NTM: variants seen among roughly 807,000 people sequenced by gnomAD.
NTM encodes the protein neurotrimin.
Under a neutral mutation model 42.1 loss-of-function variants are expected in NTM, and 13 were observed. The observed-to-expected ratio is 0.31, with a 90% CI of 0.20 to 0.49. The LOEUF (loss-of-function observed/expected upper bound fraction) is 0.49, where lower values mean the gene tolerates loss of function less well. NTM is among the 20% of genes least tolerant of loss of function. The probability of loss-of-function intolerance (pLI) is 0.99; values close to 1 mark genes in which losing one functional copy is unlikely to be tolerated. For missense variants in NTM, 373 were observed against 452.8 expected (o/e 0.82, Z 1.60); for synonymous variants, 187 against 179.2 (o/e 1.04, Z -0.35).
chr11:131,569,574 C>CTTTT (rs371565373), intron 1 of NTM, among the ~76,000 whole-genome samples: 77 of 130,868 alleles, frequency 5.9e-4, no homozygotes, highest in African/African-American at 1.4e-3. Context: ...TTTCTTCTCT[C>CTTTT]TTTTTTTTTT....
chr11:131,891,013 TA>T (rs1290499797), intron 1 of NTM, among the ~76,000 whole-genome samples: 2 of 152,214 alleles, frequency 1.3e-5, no homozygotes, highest in Non-Finnish European at 2.9e-5. Context: ...CGAATTTGTT[TA>T]GACTATGTCA....
chr11:132,151,791 A>G (rs979407266), intron 3 of NTM, among the ~76,000 whole-genome samples: 1 of 152,232 alleles, frequency 6.6e-6, no homozygotes, highest in Non-Finnish European at 1.5e-5. Flanking sequence ...GGAATGAGGG[A>G]AAGAAGCCAG....
chr11:131,938,293 T>A (rs2059439845), intron 2 of NTM, among the ~76,000 whole-genome samples: 1 of 152,216 alleles, frequency 6.6e-6, no homozygotes, highest in Non-Finnish European at 1.5e-5. Flanking sequence ...ACAGTGGACC[T>A]GAGCCCCGGG....
chr11:131,566,255 C>T (rs1183913851), intron 1 of NTM, among the ~76,000 whole-genome samples: 1 of 152,176 alleles, frequency 6.6e-6, no homozygotes, highest in African/African-American at 2.4e-5. Flanking sequence ...AATGATGCTG[C>T]TAAGTTGACA....
intron 1 of NTM, among the ~76,000 whole-genome samples, chr11:131,774,944 C>T (rs965966528): frequency 6.6e-6 from 1 of 152,154 alleles, no homozygotes. Flanking sequence ...CCGTTCCCTG[C>T]AGTGGTTTCC....
At chr11:131,560,239 C>T (rs974401235) in intron 1 of NTM, among the ~76,000 whole-genome samples, 2 of 152,104 alleles carry the variant, frequency 1.3e-5, no homozygotes, top group Non-Finnish European at 2.9e-5. Flanking sequence ...TCACGGAAGG[C>T]TAGGAGGTTT....
intron 1 of NTM, among the ~76,000 whole-genome samples, chr11:131,614,162 C>T (rs1483066573): frequency 6.6e-6 from 1 of 152,168 alleles, no homozygotes; most frequent in Admixed American, 6.5e-5. Flanking sequence ...CTTTAAGGAG[C>T]TGCCTCCCTC....
intron 2 of NTM, among the ~76,000 whole-genome samples, chr11:131,976,438 G>C (rs530769458): frequency 6.6e-6 from 1 of 152,008 alleles, no homozygotes; most frequent in Non-Finnish European, 1.5e-5. Context: ...AATTTTCAAC[G>C]TTCTCTTCCC....
chr11:131,772,668 G>C (rs1190777847), intron 1 of NTM, among the ~76,000 whole-genome samples: 2 of 152,176 alleles, frequency 1.3e-5, no homozygotes, highest in Non-Finnish European at 2.9e-5. Flanking sequence ...CTTGACTTTA[G>C]CCTTGTGAGA....
intron 2 of NTM, among the ~76,000 whole-genome samples, chr11:132,120,872 A>T (rs1460049612): frequency 6.6e-6 from 1 of 152,118 alleles, no homozygotes; most frequent in Non-Finnish European, 1.5e-5. Flanking sequence ...CTGCAAGCTT[A>T]GCTCTGCTGG....
At chr11:131,596,624 C>A (rs1044501260) in intron 1 of NTM, among the ~76,000 whole-genome samples, 1 of 152,190 alleles carries the variant, frequency 6.6e-6, no homozygotes, top group African/African-American at 2.4e-5. Flanking sequence ...GGTAAATCTG[C>A]GGGAGCAGAA....
chr11:132,095,653 G>A (rs1328903717), intron 2 of NTM, among the ~76,000 whole-genome samples: 1 of 152,180 alleles, frequency 6.6e-6, no homozygotes, highest in African/African-American at 2.4e-5. Flanking sequence ...AAAAGCTCAG[G>A]ACTCCATCCC....
At chr11:132,251,736 G>C (rs910553632) in intron 4 of NTM, among the ~76,000 whole-genome samples, 26 of 152,200 alleles carry the variant, frequency 1.7e-4, no homozygotes, top group African/African-American at 6.3e-4. Flanking sequence ...ATGATCCTCG[G>C]TGTGTATTTT....
At chr11:131,735,323 T>C (rs1011676148) in intron 1 of NTM, among the ~76,000 whole-genome samples, 3 of 152,200 alleles carry the variant, frequency 2.0e-5, no homozygotes, top group Non-Finnish European at 2.9e-5. Context: ...TGCTCGCTTA[T>C]AGGTTTTGAC....
intron 2 of NTM, among the ~76,000 whole-genome samples, chr11:132,092,997 A>G (rs1057502787): frequency 6.6e-6 from 1 of 152,114 alleles, no homozygotes; most frequent in African/African-American, 2.4e-5. Flanking sequence ...TTCATTCTCC[A>G]TGCTGCAGCT....
chr11:131,794,470 C>T, intron 1 of NTM: 2 of 985,184 alleles, frequency 2.0e-6, no homozygotes, highest in Non-Finnish European at 1.2e-6. Context: ...CTTTCCTCCC[C>T]ACCCGCCGTT....
At chr11:131,915,725 CA>C (rs936465282) in intron 2 of NTM, among the ~76,000 whole-genome samples, 26 of 152,164 alleles carry the variant, frequency 1.7e-4, no homozygotes, top group Admixed American at 1.6e-3. Flanking sequence ...TGGCAGAAGG[CA>C]AAAGGCACAT....
At chr11:131,868,836 C>T (rs1374567702) in intron 1 of NTM, among the ~76,000 whole-genome samples, 1 of 152,178 alleles carries the variant, frequency 6.6e-6, no homozygotes, top group Non-Finnish European at 1.5e-5. Flanking sequence ...CCTCTTGACC[C>T]CTCTGCTGTA....
intron 2 of NTM, among the ~76,000 whole-genome samples, chr11:131,948,084 G>A (rs1034084531): frequency 5.9e-5 from 9 of 152,204 alleles, no homozygotes; most frequent in Middle Eastern, 3.4e-3. Context: ...TCAATTGGCC[G>A]GGTGCAGTGG....
Sources: gnomAD v4.1 joint callset for allele counts (sites outside exome capture counted in the v4.1 genomes callset) on GRCh38, gnomAD v4.1.1 for gene constraint, MANE v1.5 for transcripts, NCBI Gene and HGNC (gene_info 2026-07-23, HGNC 2026-07-21) for gene names.